The following PSMB5 variants were observed in gnomAD, a reference collection of about 807,000 sequenced individuals.
PSMB5 encodes proteasome subunit beta type-5.
PSMB5 carries 2 observed loss-of-function variants against 22.8 expected under a neutral mutation model. The observed-to-expected ratio is 0.09, with a 90% CI of 0.04 to 0.28. The LOEUF is 0.28. PSMB5 is among the 10% of genes least tolerant of loss of function. The probability of loss-of-function intolerance (pLI) is 1.00; values close to 1 mark genes in which losing one functional copy is unlikely to be tolerated. For synonymous variants in PSMB5, 133 were observed against 135.3 expected, an observed-to-expected ratio of 0.98 and a Z score of 0.12; for missense variants, 269 against 343.8, an observed-to-expected ratio of 0.78 and a Z score of 1.72.
chr14:23,026,085 TC>T lies in PSMB5; in HGVS notation c.*3del. On this transcript the variant is annotated 3_prime_UTR_variant, in exon 3 of 3. Coordinates refer to ENST00000361611, the MANE Select transcript of PSMB5 (RefSeq NM_002797.5). Reference sequence around the variant, plus strand: ...GAAACACAAGCAGCTGCATCCACCCTCTTTCAGGGGGTAGAGCCACTATACT... The same window carrying T: ...GAAACACAAGCAGCTGCATCCACCCTTTTCAGGGGGTAGAGCCACTATACT... 2 of 1,613,204 alleles carry T rather than the reference TC, an allele frequency of 1.2e-6. No homozygotes were observed. The highest frequency in any genetic ancestry group is 2.7e-5 in the African/African-American group (2 of 75,032).
At chr14:23,028,388 C>T (rs1481760170) in intron 2 of PSMB5, among the ~76,000 whole-genome samples, 2 of 152,174 alleles carry the variant, frequency 1.3e-5, no homozygotes, top group Non-Finnish European at 2.9e-5. Flanking sequence ...TTGTAAAGAC[C>T]TGCACTGTCC....
rs201942081 is a variant in PSMB5 at position 23,034,834 on chromosome 14, G to A, written c.48C>T (p.Arg16=). Residue 16 remains arginine (R), a synonymous_variant, in exon 1 of 3, where the codon CGC becomes CGT. Coordinates refer to ENST00000361611, the MANE Select transcript of PSMB5 (RefSeq NM_002797.5). ...CACGACCCCCAAGTCCGAAAAACCC[G>A]CGCTGGTTCACCGGTAGCGGTCTCT... is the stretch of plus-strand genomic sequence containing the variant. ...VLERPLPVNQ[R]GFFGLGGRAD... is the part of the protein sequence containing the mutation. The A allele has an allele frequency of 6.1e-5, 98 of 1,614,188 alleles. No homozygotes were observed. The highest frequency in any genetic ancestry group is 7.6e-5 in the Non-Finnish European group (90 of 1,180,040).
At chr14:23,030,270 A>G (rs1344869526) in intron 2 of PSMB5, among the ~76,000 whole-genome samples, 1 of 151,426 alleles carries the variant, frequency 6.6e-6, no homozygotes, top group Non-Finnish European at 1.5e-5. Context: ...CGGGTGGATC[A>G]TGAGGTCAGG....
At chr14:23,030,033 G>A (rs1050283974) in intron 2 of PSMB5, among the ~76,000 whole-genome samples, 1 of 151,590 alleles carries the variant, frequency 6.6e-6, no homozygotes, top group Non-Finnish European at 1.5e-5. Flanking sequence ...CGCCCGCCTC[G>A]GCCTCCCAAT....
At position 23,033,431 on chromosome 14, in the gene PSMB5, G is replaced by C; in HGVS notation, c.442C>G (p.Gln148Glu). ...ASKLLANMVY[Q>E]YKGMGLSMGT... is the part of the protein sequence containing the mutation. ...ATGGACAGCCCCATGCCTTTGTACT[G>C]ATACACCATGTTGGCAAGCAGTTTG... Residue 148 changes from glutamine to glutamate, a missense_variant, in exon 2 of 3, where the codon CAG (glutamine) becomes GAG (glutamate). Transcript: ENST00000361611. 1 of 1,614,034 alleles carries C rather than the reference G, an allele frequency of 6.2e-7. No individual in the cohort carries two copies. The highest frequency in any genetic ancestry group is 1.7e-4 in the Middle Eastern group (1 of 6,054).
chr14:23,027,849 A>T (rs2046927081), intron 2 of PSMB5: 1 of 1,532,314 alleles, frequency 6.5e-7, no homozygotes, highest in African/African-American at 1.4e-5. Flanking sequence ...ATAACATTTA[A>T]AACATAATCC....
At chr14:23,029,281 G>T (rs570424504) in intron 2 of PSMB5, among the ~76,000 whole-genome samples, 15 of 152,198 alleles carry the variant, frequency 9.9e-5, no homozygotes, top group African/African-American at 3.6e-4. Flanking sequence ...CTAGAGGGGG[G>T]TCATCATCTG....
rs2046978879 is a variant in PSMB5 at position 23,034,721 on chromosome 14, A to T, written c.161T>A (p.Ile54Asn). The T allele has an allele frequency of 6.8e-6, 11 of 1,614,098 alleles. No homozygotes were observed. Among genetic ancestry groups the T allele is most frequent in the Non-Finnish European group, 9.3e-6 (11 of 1,180,010 alleles). ...PGWGVPEEPG[I>N]EMLHGTTTLA... The stretch of plus-strand genomic sequence containing the variant: ...GGTGGTTGTTCCATGAAGCATTTCG[A>T]TTCCTGGCTCTTCTGGGACACCCCA... Residue 54 changes from isoleucine to asparagine, a missense_variant, in exon 1 of 3, where the codon ATC (isoleucine) becomes AAC (asparagine). By Grantham distance (149) the Ile-to-Asn change is moderately radical (BLOSUM62 -3). Transcript: ENST00000361611.
At chr14:23,034,639 C>G (rs1409977011) in intron 1 of PSMB5, 45 bp downstream of exon 1, 1 of 1,596,410 alleles carries the variant, frequency 6.3e-7, no homozygotes, top group Non-Finnish European at 8.6e-7. Context: ...CCAGGCAAGT[C>G]GCGGGCGTTC....
intron 2 of PSMB5, among the ~76,000 whole-genome samples, chr14:23,030,797 G>A (rs539215627): frequency 6.6e-6 from 1 of 152,028 alleles, no homozygotes; most frequent in Non-Finnish European, 1.5e-5. Context: ...AGGGTGGCGG[G>A]TGTCTGTAAT....
At chr14:23,031,715 T>C (rs1234702046) in intron 2 of PSMB5, among the ~76,000 whole-genome samples, 1 of 152,212 alleles carries the variant, frequency 6.6e-6, no homozygotes, top group African/African-American at 2.4e-5. Flanking sequence ...AAAAACAGGC[T>C]AAGGAACTTA....
In PSMB5 at chr14:23,026,130, C is replaced by G. The variant is rs758424502; in HGVS notation, c.751G>C (p.Val251Leu). Residue 251 changes from valine (V) to leucine (L), a missense_variant, in exon 3 of 3, where the codon GTG (valine) becomes CTG (leucine). By Grantham distance (32) the Val-to-Leu change is conservative. Transcript: ENST00000361611. Reference protein sequence around the residue: ...DGWIRVSSDNVADLHEKYSGS... With the variant: ...DGWIRVSSDNLADLHEKYSGS... ...CTATACTTCTCATGTAGATCAGCCACATTGTCACTGGAGACTCGGATCCAG... is the reference window on the plus strand; with the variant it reads ...CTATACTTCTCATGTAGATCAGCCAGATTGTCACTGGAGACTCGGATCCAG... 1.2e-6 allele frequency: 2 copies of G among 1,614,196 alleles called. No individual in the cohort carries two copies. Among genetic ancestry groups the G allele is most frequent in the Non-Finnish European group, 1.7e-6 (2 of 1,180,030 alleles).
intron 2 of PSMB5, among the ~76,000 whole-genome samples, chr14:23,029,620 T>C (rs2046939172): frequency 6.6e-6 from 1 of 152,198 alleles, no homozygotes; most frequent in Admixed American, 6.5e-5. Context: ...AATCTCAGCT[T>C]ACTGCAACCT....
At chr14:23,035,029 AG>A, upstream of PSMB5, 2 of 1,416,702 alleles carry the variant, frequency 1.4e-6, no homozygotes, top group Non-Finnish European at 1.8e-6. Flanking sequence ...CAAAAAGAAG[AG>A]CCAGATGCGA....
chr14:23,026,530 A>C (rs1341967076), intron 2 of PSMB5, among the ~76,000 whole-genome samples, 155 bp from the exon 3 acceptor site: 1 of 151,644 alleles, frequency 6.6e-6, no homozygotes, highest in African/African-American at 2.4e-5. Flanking sequence ...GCTCACCACA[A>C]CCTCCGCCTC....
intron 2 of PSMB5, among the ~76,000 whole-genome samples, chr14:23,031,377 C>T (rs1029665866): frequency 1.3e-5 from 2 of 152,180 alleles, no homozygotes; most frequent in Non-Finnish European, 2.9e-5. Context: ...CTCTCACATC[C>T]GGTTTTTAAT....
chr14:23,031,345 C>T (rs902635467), intron 2 of PSMB5, among the ~76,000 whole-genome samples: 4 of 152,178 alleles, frequency 2.6e-5, no homozygotes, highest in Non-Finnish European at 5.9e-5. Flanking sequence ...TCTCAATTTC[C>T]AAAGTAACAA....
At position 23,027,801 on chromosome 14, in the gene PSMB5, C is replaced by G. The variant is rs559244793; in HGVS notation, c.506-1426G>C. 195 of 1,547,876 alleles carry G rather than the reference C, an allele frequency of 1.3e-4. No individual in the cohort carries two copies. In the South Asian group the frequency reaches 1.7e-3, roughly 13 times the overall value. On this transcript the variant is annotated intron_variant, in intron 2 of 2. Transcript: ENST00000361611. ...CACAAAACAAGTACATTCCAAATGA[C>G]TTAGGTTTCAAGCACAGAACTTCAG...
chr14:23,029,078 C>T (rs1457430052), intron 2 of PSMB5, among the ~76,000 whole-genome samples: 1 of 152,146 alleles, frequency 6.6e-6, no homozygotes, highest in African/African-American at 2.4e-5. Context: ...ACAGGACTTA[C>T]CCTAGGTATT....
Sources: allele counts gnomAD v4.1 joint callset (sites outside exome capture counted in the v4.1 genomes callset), GRCh38; gene constraint gnomAD v4.1.1; transcripts MANE v1.5; gene names NCBI Gene and HGNC (gene_info 2026-07-23, HGNC 2026-07-21).